The following SLC30A8 variants were observed in gnomAD, a reference collection of about 807,000 sequenced individuals.
The protein encoded by SLC30A8 is solute carrier family 30 member 8.
SLC30A8 carries 27 observed loss-of-function variants against 36.9 expected under a neutral mutation model. The ratio of observed to expected loss-of-function variants is 0.73; its 90% CI spans 0.54 to 1.01. The LOEUF (loss-of-function observed/expected upper bound fraction) is 1.01. Among genes scored for constraint, SLC30A8 ranks in the 50% least tolerant of loss-of-function variants. The pLI, the probability that SLC30A8 is intolerant of heterozygous loss-of-function variation, is 0.00. For missense variants in SLC30A8, 439 were observed against 452.0 expected (o/e 0.97, Z 0.26); for synonymous variants, 164 against 172.4 (o/e 0.95, Z 0.38).
intron 2 of SLC30A8, among the ~76,000 whole-genome samples, chr8:117,062,099 G>C (rs1461622527): frequency 6.6e-6 from 1 of 152,152 alleles, no homozygotes; most frequent in Non-Finnish European, 1.5e-5. Context: ...GGAAGAAGTG[G>C]ACTTTCCACA....
intron 2 of SLC30A8, among the ~76,000 whole-genome samples, chr8:117,060,621 G>C (rs1205722860): frequency 1.3e-5 from 2 of 152,118 alleles, no homozygotes; most frequent in African/African-American, 2.4e-5. Flanking sequence ...GCTCTATAAA[G>C]ATTCTTCCTT....
intron 2 of SLC30A8, among the ~76,000 whole-genome samples, chr8:117,088,956 ATCT>A (rs1305972413): frequency 6.6e-6 from 1 of 152,128 alleles, no homozygotes; most frequent in Admixed American, 6.5e-5. Flanking sequence ...GTGATATGTA[ATCT>A]TCTTTCTCCC....
At chr8:116,960,872 T>C (rs1370264282) in intron 1 of SLC30A8, among the ~76,000 whole-genome samples, 1 of 152,160 alleles carries the variant, frequency 6.6e-6, no homozygotes, top group Non-Finnish European at 1.5e-5. Flanking sequence ...TCTTAAAGAA[T>C]GTGAAAGACC....
At chr8:117,131,871 A>G (rs1821152289), upstream of SLC30A8, among the ~76,000 whole-genome samples, 1 of 151,994 alleles carries the variant, frequency 6.6e-6, no homozygotes, top group Non-Finnish European at 1.5e-5. Context: ...CTCCCATTTT[A>G]CAGGTGAGAA....
chr8:117,163,663 G>A, intron 6 of SLC30A8, 133 bp downstream of exon 6: 7 of 650,208 alleles, frequency 1.1e-5, no homozygotes, highest in South Asian at 4.9e-5. Flanking sequence ...AGGAATTTTT[G>A]TGAAAACAAT....
intron 2 of SLC30A8, among the ~76,000 whole-genome samples, chr8:117,151,766 T>C (rs556424958): frequency 1.2e-4 from 19 of 152,358 alleles, no homozygotes; most frequent in Middle Eastern, 3.4e-3. Context: ...AATGCCTTAT[T>C]AACACAGTTT....
intron 2 of SLC30A8, among the ~76,000 whole-genome samples, chr8:117,058,809 C>T (rs780897838): frequency 1.3e-5 from 2 of 152,136 alleles, no homozygotes; most frequent in Admixed American, 1.3e-4. Flanking sequence ...TTGGAATCCA[C>T]ACACACACCC....
chr8:117,000,251 TGGG>T (rs1400972482), intron 1 of SLC30A8, among the ~76,000 whole-genome samples: 1 of 152,002 alleles, frequency 6.6e-6, no homozygotes, highest in East Asian at 1.9e-4. Context: ...TGGGCAGTGA[TGGG>T]GGAGTGGGCG....
chr8:117,151,365 T>C (rs949177232), intron 2 of SLC30A8, among the ~76,000 whole-genome samples: 1 of 152,194 alleles, frequency 6.6e-6, no homozygotes, highest in Non-Finnish European at 1.5e-5. Flanking sequence ...TCAATAAATA[T>C]TGGCTGGATA....
chr8:117,037,109 C>T (rs1320330467), intron 1 of SLC30A8, among the ~76,000 whole-genome samples: 1 of 152,016 alleles, frequency 6.6e-6, no homozygotes, highest in Non-Finnish European at 1.5e-5. Flanking sequence ...AATTAAAATT[C>T]TTTCTATTCT....
chr8:117,149,390 G>A (rs529655026), intron 2 of SLC30A8, among the ~76,000 whole-genome samples: 18 of 152,278 alleles, frequency 1.2e-4, no homozygotes, highest in African/African-American at 4.3e-4. Context: ...GCTGTGACGA[G>A]TGCTTTCCAT....
At chr8:117,104,605 A>T (rs193120525) in intron 2 of SLC30A8, among the ~76,000 whole-genome samples, 1 of 152,222 alleles carries the variant, frequency 6.6e-6, no homozygotes, top group East Asian at 1.9e-4. Context: ...CAATGTCCAC[A>T]TTTCTGTTAC....
At chr8:116,983,676 T>C (rs1208428552) in intron 1 of SLC30A8, among the ~76,000 whole-genome samples, 1 of 152,188 alleles carries the variant, frequency 6.6e-6, no homozygotes, top group Non-Finnish European at 1.5e-5. Context: ...TGTTTCTTAA[T>C]ATATTTTTGG....
chr8:117,070,074 T>C (rs114697828), intron 2 of SLC30A8, among the ~76,000 whole-genome samples: 4,505 of 152,344 alleles, frequency 0.03, 149 homozygotes, highest in African/African-American at 0.086. Context: ...CCTACATTTC[T>C]ATTGTAGGAT....
intron 2 of SLC30A8, among the ~76,000 whole-genome samples, chr8:117,123,443 C>G (rs114591501): frequency 6.6e-6 from 1 of 151,860 alleles, no homozygotes; most frequent in Non-Finnish European, 1.5e-5. Context: ...TAATTAGAAA[C>G]CTGAACTAAT....
chr8:117,054,273 T>A (rs1817799901), intron 2 of SLC30A8, among the ~76,000 whole-genome samples: 1 of 150,668 alleles, frequency 6.6e-6, no homozygotes, highest in South Asian at 2.1e-4. Context: ...TATTTTTAAA[T>A]TTTTTTTTGT....
intron 4 of SLC30A8, among the ~76,000 whole-genome samples, chr8:117,160,404 TGTG>T (rs1406658452): frequency 1.4e-5 from 1 of 72,236 alleles, no homozygotes; most frequent in African/African-American, 4.4e-5. Context: ...ATTTTCCACT[TGTG>T]TGTGTGTGTG....
chr8:117,140,647 T>C (rs532885308), intron 1 of SLC30A8, among the ~76,000 whole-genome samples: 117 of 152,166 alleles, frequency 7.7e-4, no homozygotes, highest in African/African-American at 2.7e-3. Flanking sequence ...ATCTTACATC[T>C]ACCTAAACTA....
chr8:117,089,252 T>A (rs1460618119), intron 2 of SLC30A8, among the ~76,000 whole-genome samples: 1 of 152,226 alleles, frequency 6.6e-6, no homozygotes, highest in Non-Finnish European at 1.5e-5. Flanking sequence ...AAATATTTTT[T>A]CTAGCCCCAA....
Sources: allele counts gnomAD v4.1 joint callset (sites outside exome capture counted in the v4.1 genomes callset), GRCh38; gene constraint gnomAD v4.1.1; transcripts MANE v1.5; gene names NCBI Gene and HGNC (gene_info 2026-07-23, HGNC 2026-07-21).